Variants in PLCB4 observed in about 807,000 individuals in gnomAD.
PLCB4 encodes phospholipase C beta 4.
PLCB4 carries 77 observed loss-of-function variants against 178.8 expected under a neutral mutation model. That is an observed-to-expected ratio of 0.43 (90% CI 0.36 to 0.52). The LOEUF is 0.52. Ranked by LOEUF, PLCB4 falls within the 20% of genes least tolerant of loss-of-function variation. The pLI is 0.00. For missense variants in PLCB4, 1,024 were observed against 1,453.4 expected, an observed-to-expected ratio of 0.70 and a Z score of 4.80; for synonymous variants, 496 against 490.8, an observed-to-expected ratio of 1.01 and a Z score of -0.14.
At chr20:9,382,256 A>C (rs991110412) in intron 13 of PLCB4, among the ~76,000 whole-genome samples, 1 of 152,102 alleles carries the variant, frequency 6.6e-6, no homozygotes, top group Non-Finnish European at 1.5e-5. Context: ...ACCATCTCCA[A>C]CATTACTGAC....
intron 3 of PLCB4, among the ~76,000 whole-genome samples, chr20:9,268,276 G>A (rs1447916385): frequency 6.6e-6 from 1 of 152,112 alleles, no homozygotes; most frequent in African/African-American, 2.4e-5. Flanking sequence ...GCTGGGTCTA[G>A]GGTCTTGATC....
chr20:9,469,775 G>A lies in PLCB4; in HGVS notation c.3350+1103G>A, dbSNP rs114526722. Among the ~76,000 whole-genome samples the A allele has an allele frequency of 7.7e-3, 1,171 of 152,332 alleles. 16 individuals carry two copies. Among genetic ancestry groups the A allele is most frequent in the African/African-American group, 0.027 (1,107 of 41,572 alleles). ...CCTCTATAGAAGGTGCCAAGTGCAA[G>A]CCCTTTAGACACAGCTGGTGAAGGG... On this transcript the variant is annotated intron_variant, in intron 36 of 39. Transcript: ENST00000378473.
chr20:9,077,109 C>G lies in PLCB4; in HGVS notation c.-135+7903C>G, dbSNP rs371320920. Among the ~76,000 whole-genome samples the G allele has an allele frequency of 4.6e-5, 7 of 152,276 alleles. No homozygotes were observed. The South Asian group carries it at 1.0e-3, about 23-fold the overall frequency. On this transcript the variant is annotated intron_variant, in intron 1 of 39. Transcript: ENST00000378473. ...GACTGACTTGCTTTTGTCCACTTAA[C>G]TGTATATCATGGAGAGCTTTCCATG...
At chr20:9,202,856 A>G (rs1401340628) in intron 2 of PLCB4, among the ~76,000 whole-genome samples, 2 of 152,022 alleles carry the variant, frequency 1.3e-5, no homozygotes, top group Non-Finnish European at 2.9e-5. Context: ...TCAATATGGT[A>G]CCTGTCTCAG....
intron 12 of PLCB4, among the ~76,000 whole-genome samples, chr20:9,375,478 G>A (rs1320549423): frequency 1.3e-5 from 2 of 152,136 alleles, no homozygotes; most frequent in African/African-American, 2.4e-5. Flanking sequence ...AGGTTCAATG[G>A]CTTCAAATTT....
intron 34 of PLCB4, 123 bp downstream of exon 34, chr20:9,457,612 G>T: frequency 1.5e-6 from 1 of 650,296 alleles, no homozygotes; most frequent in South Asian, 1.8e-5. Flanking sequence ...GCCTGCAGCT[G>T]ATCTGGGATG....
At chr20:9,380,745 G>C (rs973056095) in intron 13 of PLCB4, among the ~76,000 whole-genome samples, 7 of 152,134 alleles carry the variant, frequency 4.6e-5, no homozygotes. Flanking sequence ...AAGGCATGGG[G>C]AGAAATTTTA....
chr20:9,282,324 G>A (rs529782590), intron 3 of PLCB4, among the ~76,000 whole-genome samples: 24 of 152,084 alleles, frequency 1.6e-4, no homozygotes, highest in Middle Eastern at 3.4e-3. Context: ...ACATTTCTCT[G>A]TCAGGTTGCT....
At chr20:9,285,618 C>T (rs2094530223) in intron 3 of PLCB4, among the ~76,000 whole-genome samples, 1 of 151,952 alleles carries the variant, frequency 6.6e-6, no homozygotes, top group Admixed American at 6.6e-5. Flanking sequence ...AGGATATTTG[C>T]TACTCTGTGT....
chr20:9,273,675 AGTGTGTGTGTGTGTGTGTGTGTGT>A (rs398035325), intron 3 of PLCB4, among the ~76,000 whole-genome samples: 2 of 135,852 alleles, frequency 1.5e-5, no homozygotes, highest in African/African-American at 5.5e-5. Context: ...TTATGGTTGC[AGTGTGTGTGTGTGTGTGTGTGTGT>A]GTGTGTGTGT....
At chr20:9,175,150 C>A (rs975347034) in intron 2 of PLCB4, among the ~76,000 whole-genome samples, 4 of 152,152 alleles carry the variant, frequency 2.6e-5, no homozygotes, top group African/African-American at 9.7e-5. Flanking sequence ...TCAGACCCCA[C>A]CCCAGACCTA....
chr20:9,131,113 G>A (rs1274951665), intron 2 of PLCB4, among the ~76,000 whole-genome samples: 2 of 152,100 alleles, frequency 1.3e-5, no homozygotes, highest in East Asian at 3.9e-4. Flanking sequence ...TCTACTCTGG[G>A]CCAGATCTGC....
intron 3 of PLCB4, among the ~76,000 whole-genome samples, chr20:9,242,493 G>A (rs1267181118): frequency 2.0e-5 from 3 of 152,148 alleles, no homozygotes; most frequent in Non-Finnish European, 4.4e-5. Flanking sequence ...GCAATAAAGG[G>A]GACCATTTCA....
intron 3 of PLCB4, among the ~76,000 whole-genome samples, chr20:9,241,256 A>G (rs4813890): frequency 0.028 from 4,290 of 151,974 alleles, 354 homozygotes; most frequent in East Asian, 0.21. Flanking sequence ...CCCTTTCTCT[A>G]TTTATCTTGC....
intron 2 of PLCB4, among the ~76,000 whole-genome samples, chr20:9,173,776 A>G (rs569410906): frequency 1.3e-5 from 2 of 152,230 alleles, no homozygotes; most frequent in African/African-American, 4.8e-5. Context: ...AAGATCCTTA[A>G]TTTAATCTTG....
chr20:9,171,507 G>A (rs987639562), intron 2 of PLCB4, among the ~76,000 whole-genome samples: 1 of 152,142 alleles, frequency 6.6e-6, no homozygotes, highest in Admixed American at 6.5e-5. Flanking sequence ...ACAAGAATCT[G>A]TATGTGCATA....
intron 2 of PLCB4, among the ~76,000 whole-genome samples, chr20:9,174,019 C>A (rs2147055065): frequency 6.6e-6 from 1 of 152,312 alleles, no homozygotes; most frequent in East Asian, 1.9e-4. Flanking sequence ...TCACAAATTA[C>A]CGTATCTAGG....
chr20:9,322,757 T>C (rs1206832513), intron 4 of PLCB4, among the ~76,000 whole-genome samples: 8 of 152,240 alleles, frequency 5.3e-5, no homozygotes, highest in Admixed American at 2.6e-4. Context: ...TTGTACTAAG[T>C]GGTATTTAAG....
chr20:9,342,165 C>T (rs531364350), intron 7 of PLCB4, among the ~76,000 whole-genome samples: 1 of 152,162 alleles, frequency 6.6e-6, no homozygotes, highest in Non-Finnish European at 1.5e-5. Flanking sequence ...TTCTCCATCA[C>T]CACCGTTTTA....
Sources: allele counts gnomAD v4.1 joint callset (sites outside exome capture counted in the v4.1 genomes callset), GRCh38; gene constraint gnomAD v4.1.1; transcripts MANE v1.5; gene names NCBI Gene and HGNC (gene_info 2026-07-23, HGNC 2026-07-21).